The following NEMF variants were observed in gnomAD, a reference collection of about 807,000 sequenced individuals.
NEMF encodes nuclear export mediator factor, also known as ribosome quality control complex subunit NEMF.
NEMF carries 89 observed loss-of-function variants against 162.2 expected under a neutral mutation model. The ratio of observed to expected loss-of-function variants is 0.55; its 90% confidence interval spans 0.46 to 0.65. The LOEUF is 0.65. Among genes scored for constraint, NEMF ranks in the 30% least tolerant of loss-of-function variants. The probability of loss-of-function intolerance (pLI) is 0.00; values close to 1 mark genes in which losing one functional copy is unlikely to be tolerated. For missense variants in NEMF, 1,133 were observed against 1,261.9 expected (o/e 0.90, Z 1.55); for synonymous variants, 421 against 404.5 (o/e 1.04, Z -0.49).
At chr14:49,796,865 A>G (rs1264153432) in intron 25 of NEMF, among the ~76,000 whole-genome samples, 1 of 152,082 alleles carries the variant, frequency 6.6e-6, no homozygotes, top group Non-Finnish European at 1.5e-5. Context: ...TATGCATATT[A>G]CCCCAAAGAA....
intron 26 of NEMF, among the ~76,000 whole-genome samples, chr14:49,791,609 C>T (rs1197849668): frequency 2.0e-5 from 3 of 149,888 alleles, no homozygotes; most frequent in African/African-American, 4.9e-5. Context: ...TAGTGGTGCA[C>T]GCCTGTAGTC....
chr14:49,849,589 C>T (rs991344969), intron 3 of NEMF: 2 of 152,204 alleles, frequency 1.3e-5, no homozygotes, highest in Non-Finnish European at 2.9e-5. Flanking sequence ...ACACGTACAC[C>T]TAACCCATAG....
At chr14:49,828,488 TA>T in intron 14 of NEMF, 127 bp downstream of exon 14, 2 of 1,008,062 alleles carry the variant, frequency 2.0e-6, no homozygotes, top group Non-Finnish European at 2.9e-6. Flanking sequence ...AAACTAAATT[TA>T]AAAAAGTATT....
Position 49,783,532 on chromosome 14 carries a change from G to C in NEMF, c.*1104C>G, listed in dbSNP as rs1485494237. On this transcript the variant is annotated 3_prime_UTR_variant, in exon 33 of 33. Transcript: ENST00000298310. ...CAGGTGCTGTCCAGTCAATTAAAAA[G>C]TTTTTTTTTAATTAATAGGTTTTAT... 2.0e-5 allele frequency: 3 copies of C among 151,234 alleles called. No individual in the cohort carries two copies. Among genetic ancestry groups the C allele is most frequent in the Admixed American group, 2.0e-4 (3 of 15,146 alleles). The allele number at this position is 151,234 out of a possible 1,614,324, so 9.4% of individuals were successfully genotyped here. A position where few individuals can be genotyped will look rare whatever the true frequency, so the allele number is the denominator to read the frequency against.
At chr14:49,805,931 C>G (rs189368009) in intron 19 of NEMF, 90 bp downstream of exon 19, 1 of 703,048 alleles carries the variant, frequency 1.4e-6, no homozygotes, top group South Asian at 1.9e-5. Context: ...CTCTATTGAG[C>G]CTTGTCTGCT....
At position 49,800,683 on chromosome 14, in the gene NEMF, C is replaced by T. The variant is rs138162173; in HGVS notation, c.2109G>A (p.Thr703=). 7 of 1,613,136 alleles carry T rather than the reference C, an allele frequency of 4.3e-6. No individual in the cohort carries two copies. Among genetic ancestry groups the T allele is most frequent in the South Asian group, 2.2e-5 (2 of 90,946 alleles). The change falls in exon 23 of 33, where the codon ACG becomes ACA. Residue 703 remains threonine (T), a synonymous_variant. Coordinates refer to ENST00000298310, the MANE Select transcript of NEMF (RefSeq NM_004713.6). ...EEMEQLDGGD[T]SSDEDKEEHE... is the part of the protein sequence containing the mutation. ...GTTCTTCTTTATCCTCATCACTGCT[C>T]GTGTCACCTCCATCTGTAGAATTAT... is the stretch of plus-strand genomic sequence containing the variant.
Position 49,782,937 on chromosome 14 carries a change from A to G in NEMF, c.*1699T>C. The G allele has an allele frequency of 6.2e-7, 1 of 1,613,416 alleles. No individual in the cohort carries two copies. Among genetic ancestry groups the G allele is most frequent in the Non-Finnish European group, 8.5e-7 (1 of 1,179,714 alleles). The stretch of plus-strand genomic sequence containing the variant: ...GTTAATCAGAGGTTTGGTAGTAACA[A>G]CACTTCTGGATCTTAAGGCTTCATA... On this transcript the variant is annotated 3_prime_UTR_variant, in exon 33 of 33. Transcript: ENST00000298310.
At chr14:49,788,106 C>T (rs1449582222) in intron 28 of NEMF, among the ~76,000 whole-genome samples, 1 of 152,048 alleles carries the variant, frequency 6.6e-6, no homozygotes, top group African/African-American at 2.4e-5. Context: ...TGGTGAAACC[C>T]CATCACCACT....
intron 5 of NEMF, 63 bp from the exon 6 acceptor site, chr14:49,838,269 T>C: frequency 7.8e-7 from 1 of 1,274,452 alleles, no homozygotes; most frequent in Non-Finnish European, 1.1e-6. Flanking sequence ...AATCTTCATA[T>C]TAATACTACT....
chr14:49,786,868 A>G (rs1194357012), intron 28 of NEMF, 118 bp from the exon 29 acceptor site: 2 of 857,414 alleles, frequency 2.3e-6, no homozygotes, highest in Non-Finnish European at 3.6e-6. Flanking sequence ...TCTGACCCAC[A>G]GGATAGGGGG....
In NEMF at chr14:49,782,914, T is replaced by TAATC. The variant is rs1193186627; in HGVS notation, c.*1718_*1721dup. The TAATC allele has an allele frequency of 6.2e-7, 1 of 1,613,662 alleles. No homozygotes were observed. Among genetic ancestry groups the TAATC allele is most frequent in the Non-Finnish European group, 8.5e-7 (1 of 1,179,798 alleles). On this transcript the variant is annotated 3_prime_UTR_variant, in exon 33 of 33. Transcript: ENST00000298310. Reference sequence around the variant, plus strand: ...TTCCAAAACACTTACTTCACAGTGTTAATCAGAGGTTTGGTAGTAACAACA... The same window carrying TAATC: ...TTCCAAAACACTTACTTCACAGTGTTAATCAATCAGAGGTTTGGTAGTAACAACA...
chr14:49,813,725 C>T lies in NEMF; in HGVS notation c.1744+263G>A, dbSNP rs111896809. Among the ~76,000 whole-genome samples the T allele has an allele frequency of 7.2e-4, 109 of 151,288 alleles. 1 individual carries two copies. The highest frequency in any genetic ancestry group is 2.5e-3 in the African/African-American group (101 of 41,132). ...ACCCAAGCTGATCCTCCCACCTCAG[C>T]TTTCTGTAGCTGGGACTACAGGTGC... On this transcript the variant is annotated intron_variant, in intron 18 of 32. Coordinates refer to ENST00000298310, the MANE Select transcript of NEMF (RefSeq NM_004713.6).
In NEMF at chr14:49,829,444, GATT is replaced by G. The variant is rs749859552; in HGVS notation, c.946-21_946-19del. 6.2e-7 allele frequency: 1 copy of G among 1,603,288 alleles called. No homozygotes were observed. The highest frequency in any genetic ancestry group is 1.7e-4 in the Middle Eastern group (1 of 5,908). On this transcript the variant is annotated intron_variant, in intron 11 of 32. Coordinates refer to ENST00000298310, the MANE Select transcript of NEMF (RefSeq NM_004713.6). ...TGCTTTTCCTTTTATTGGCAAAACAGATTTTTTAAAAATTAGATTTCTCCTACC... is the reference window on the plus strand; with the variant it reads ...TGCTTTTCCTTTTATTGGCAAAACAGTTTTAAAAATTAGATTTCTCCTACC...
chr14:49,820,124 G>C (rs888525190), intron 16 of NEMF: 1 of 228,292 alleles, frequency 4.4e-6, no homozygotes, highest in African/African-American at 2.4e-5. Flanking sequence ...GCTAATTTTT[G>C]TATTTTTAGT....
At chr14:49,849,380 C>T (rs1362304367) in intron 3 of NEMF, among the ~76,000 whole-genome samples, 1 of 152,228 alleles carries the variant, frequency 6.6e-6, no homozygotes, top group East Asian at 1.9e-4. Context: ...CTATCAACAG[C>T]TTGGTGAAAT....
At chr14:49,814,926 C>A in intron 16 of NEMF, 69 bp from the exon 17 acceptor site, 2 of 833,538 alleles carry the variant, frequency 2.4e-6, no homozygotes, top group Non-Finnish European at 3.8e-6. Context: ...TTTTTGCAAA[C>A]AAAACAAAAC....
At chr14:49,820,085 T>A (rs1426844511) in intron 16 of NEMF, 1 of 187,244 alleles carries the variant, frequency 5.3e-6, no homozygotes, top group East Asian at 1.7e-4. Flanking sequence ...CCGAGTAGCT[T>A]GGTCTACAGG....
Position 49,802,490 on chromosome 14 carries a change from A to G in NEMF, c.2058T>C (p.Cys686=). 1 of 1,614,058 alleles carries G rather than the reference A, an allele frequency of 6.2e-7. No homozygotes were observed. The highest frequency in any genetic ancestry group is 1.7e-4 in the Middle Eastern group (1 of 6,060). ...QDEDMETLAS[C]TSELISEEME... ...TTTCTTCTGATATGAGTTCACTTGT[A>G]CAACTTGCCAGTGTCTCCATGTCTT... The change falls in exon 22 of 33, where the codon TGT becomes TGC. Residue 686 remains cysteine (C), a synonymous_variant. Coordinates refer to ENST00000298310, the MANE Select transcript of NEMF (RefSeq NM_004713.6).
At chr14:49,830,666 G>A (rs766275799) in intron 11 of NEMF, among the ~76,000 whole-genome samples, 25 of 152,340 alleles carry the variant, frequency 1.6e-4, no homozygotes, top group African/African-American at 4.6e-4. Flanking sequence ...ATTTACAGGC[G>A]TGCGCCACCG....
Sources: gnomAD v4.1 joint callset for allele counts (sites outside exome capture counted in the v4.1 genomes callset) on GRCh38, gnomAD v4.1.1 for gene constraint, MANE v1.5 for transcripts, NCBI Gene and HGNC (gene_info 2026-07-23, HGNC 2026-07-21) for gene names.